The following DNAH7 variants were observed in gnomAD, a reference collection of about 807,000 sequenced individuals.
DNAH7 encodes axonemal beta dynein heavy chain 7.
Under a neutral mutation model 444.6 loss-of-function variants are expected in DNAH7, and 397 were observed. The observed-to-expected ratio is 0.89, with a 90% confidence interval of 0.82 to 0.97. The LOEUF is 0.97. Ranked by LOEUF, DNAH7 falls within the 50% of genes least tolerant of loss-of-function variation. The pLI is 0.00. For synonymous variants in DNAH7, 1,636 were observed against 1,624.4 expected, an observed-to-expected ratio of 1.01 and a Z score of -0.17; for missense variants, 4,902 against 4,800.8, an observed-to-expected ratio of 1.02 and a Z score of -0.62.
intron 46 of DNAH7, among the ~76,000 whole-genome samples, chr2:195,845,718 A>G (rs530741421): frequency 2.6e-5 from 4 of 152,342 alleles, no homozygotes; most frequent in African/African-American, 9.6e-5. Context: ...ACCTACAAGC[A>G]TCTGATCTTT....
chr2:196,013,291 C>T (rs1694826089), intron 9 of DNAH7, among the ~76,000 whole-genome samples: 1 of 152,088 alleles, frequency 6.6e-6, no homozygotes, highest in Non-Finnish European at 1.5e-5. Context: ...GAAAGTGGCC[C>T]TCATTTCAGG....
chr2:196,035,884 C>T (rs748304596), intron 5 of DNAH7, among the ~76,000 whole-genome samples: 1 of 152,164 alleles, frequency 6.6e-6, no homozygotes, highest in Admixed American at 6.5e-5. Flanking sequence ...GCACCCACAA[C>T]TGCATTGTTC....
At chr2:196,041,869 T>C (rs945048129) in intron 5 of DNAH7, among the ~76,000 whole-genome samples, 1 of 151,528 alleles carries the variant, frequency 6.6e-6, no homozygotes, top group Admixed American at 6.6e-5. Context: ...CAAATAATAA[T>C]AATAATAATA....
intron 1 of DNAH7, among the ~76,000 whole-genome samples, chr2:196,065,334 T>A (rs1340690634): frequency 1.3e-5 from 2 of 152,242 alleles, no homozygotes; most frequent in African/African-American, 4.8e-5. Context: ...ATGTCTTTTT[T>A]AGACTTATTC....
intron 25 of DNAH7, among the ~76,000 whole-genome samples, chr2:195,908,407 T>C (rs1248213762): frequency 2.6e-5 from 4 of 152,042 alleles, no homozygotes; most frequent in African/African-American, 7.2e-5. Context: ...ATAACATACA[T>C]TGCCCCTAAT....
At chr2:195,862,243 CTA>C (rs1040322362) in intron 41 of DNAH7, among the ~76,000 whole-genome samples, 5 of 152,078 alleles carry the variant, frequency 3.3e-5, no homozygotes, top group African/African-American at 1.2e-4. Context: ...TATGGAATGT[CTA>C]TTTCTGTATG....
At chr2:196,039,835 T>C (rs187837553) in intron 5 of DNAH7, among the ~76,000 whole-genome samples, 290 of 151,106 alleles carry the variant, frequency 1.9e-3, no homozygotes, top group African/African-American at 6.2e-3. Flanking sequence ...TTTAGTTTTT[T>C]AAAAAGATAA....
intron 58 of DNAH7, among the ~76,000 whole-genome samples, chr2:195,782,886 CAGCACAA>C (rs1367054972): frequency 2.5e-4 from 38 of 152,152 alleles, no homozygotes; most frequent in Non-Finnish European, 8.8e-5. Flanking sequence ...TCTTTTTCTA[CAGCACAA>C]GGCCCCCCCT....
intron 8 of DNAH7, among the ~76,000 whole-genome samples, chr2:196,022,608 CA>C (rs1695448262): frequency 6.6e-6 from 1 of 152,206 alleles, no homozygotes; most frequent in African/African-American, 2.4e-5. Flanking sequence ...CTTCAGGCTC[CA>C]CTTCTAATTC....
In DNAH7 at chr2:195,811,773, A is replaced by G. The variant is rs2124868610; in HGVS notation, c.9762-1902T>C. Among the ~76,000 whole-genome samples the G allele has an allele frequency of 1.3e-5, 2 of 151,984 alleles. 1 individual carries two copies. The highest frequency in any genetic ancestry group is 4.1e-4 in the South Asian group (2 of 4,824). ...TGAGAGAATGGTCTTGATAGAAGTG[A>G]AAGAAAAAAAAAACTGTGTGCGTAA... On this transcript the variant is annotated intron_variant, in intron 51 of 64. Coordinates refer to ENST00000312428, the MANE Select transcript of DNAH7 (RefSeq NM_018897.3).
At chr2:196,050,700 A>G (rs1179729067) in intron 3 of DNAH7, among the ~76,000 whole-genome samples, 1 of 152,214 alleles carries the variant, frequency 6.6e-6, no homozygotes, top group African/African-American at 2.4e-5. Flanking sequence ...CTCTTCCACA[A>G]GACAATGACA....
chr2:195,861,822 A>T lies in DNAH7; in HGVS notation c.7631T>A (p.Leu2544Ter). The change falls in exon 42 of 65, where the codon TTA becomes TAA. Residue 2544 changes from leucine (L) to a stop codon, truncating the protein, a stop_gained. Coordinates refer to ENST00000312428, the MANE Select transcript of DNAH7 (RefSeq NM_018897.3). LOFTEE classifies it high-confidence loss of function. ...CKSFHTSTIDLSKSFFVELQR... is the reference protein window; with the variant it reads ...CKSFHTSTID ...AAGTTCAACAAAGAAAGATTTGGAT[A>T]AATCTATAGTAGAAGTGTGGAAGCT... is the stretch of plus-strand genomic sequence containing the variant. 1 of 1,613,750 alleles carries T rather than the reference A, an allele frequency of 6.2e-7. No homozygotes were observed. The highest frequency in any genetic ancestry group is 8.5e-7 in the Non-Finnish European group (1 of 1,179,640).
intron 51 of DNAH7, among the ~76,000 whole-genome samples, chr2:195,811,177 TG>T (rs1466893554): frequency 6.6e-6 from 1 of 152,206 alleles, no homozygotes; most frequent in Non-Finnish European, 1.5e-5. Flanking sequence ...ATTCCTCTGA[TG>T]GAATTGTGTG....
intron 56 of DNAH7, among the ~76,000 whole-genome samples, chr2:195,795,000 A>G (rs572889393): frequency 6.6e-6 from 1 of 152,314 alleles, no homozygotes; most frequent in South Asian, 2.1e-4. Context: ...GGACTCTGTG[A>G]TGGGTATATA....
chr2:195,885,989 T>G, intron 34 of DNAH7, 152 bp downstream of exon 34: 1 of 863,758 alleles, frequency 1.2e-6, no homozygotes, highest in Non-Finnish European at 1.7e-6. Context: ...ACTCAGAATT[T>G]GGGGCCTGGC....
At chr2:195,782,547 A>G (rs933340066) in intron 58 of DNAH7, among the ~76,000 whole-genome samples, 1 of 152,228 alleles carries the variant, frequency 6.6e-6, no homozygotes, top group Non-Finnish European at 1.5e-5. Context: ...TTCTTTCACT[A>G]TAAATGAACT....
chr2:195,960,790 T>A lies in DNAH7; in HGVS notation c.2361A>T (p.Pro787=). The A allele has an allele frequency of 6.2e-7, 1 of 1,614,196 alleles. No homozygotes were observed. The highest frequency in any genetic ancestry group is 8.5e-7 in the Non-Finnish European group (1 of 1,180,032). ...CTTGGTCTGGATTCACTTTATGATA[T>A]GGCCCTTCTGTCCATGCTCTATAGT... ...SSNYRAWTEG[P]YHKVNPDQVE... is the part of the protein sequence containing the mutation. The change falls in exon 18 of 65, where the codon CCA becomes CCT. Residue 787 remains proline (P), a synonymous_variant. Transcript: ENST00000312428.
At chr2:196,008,266 C>A (rs1694506912) in intron 10 of DNAH7, among the ~76,000 whole-genome samples, 1 of 151,764 alleles carries the variant, frequency 6.6e-6, no homozygotes. Flanking sequence ...TGGCTACAAG[C>A]AGAAAGATGG....
At position 195,924,158 on chromosome 2, in the gene DNAH7, G is replaced by A. The variant is rs112231576; in HGVS notation, c.3613-351C>T. 2.3e-3 allele frequency among the ~76,000 whole-genome samples: 350 copies of A among 152,196 alleles called. 2 individuals carry two copies. Among genetic ancestry groups the A allele is most frequent in the African/African-American group, 7.9e-3 (327 of 41,526 alleles). ...ACCAGAGCCAATCACAGTTCTTCCTGGGGACTGCTATATAGATTGAGAGAA... is the reference window on the plus strand; with the variant it reads ...ACCAGAGCCAATCACAGTTCTTCCTAGGGACTGCTATATAGATTGAGAGAA... On this transcript the variant is annotated intron_variant, in intron 22 of 64. Coordinates refer to ENST00000312428, the MANE Select transcript of DNAH7 (RefSeq NM_018897.3).
Sources: gnomAD v4.1 joint callset for allele counts (sites outside exome capture counted in the v4.1 genomes callset) on GRCh38, gnomAD v4.1.1 for gene constraint, MANE v1.5 for transcripts, NCBI Gene and HGNC (gene_info 2026-07-23, HGNC 2026-07-21) for gene names.